Variants in IQSEC3 observed in about 807,000 individuals in gnomAD.
IQSEC3 encodes IQ motif and SEC7 domain-containing protein 3.
IQSEC3 carries 50 observed loss-of-function variants against 105.4 expected under a neutral mutation model. The ratio of observed to expected loss-of-function variants is 0.47; its 90% CI spans 0.38 to 0.60. The LOEUF is 0.60. Ranked by LOEUF, IQSEC3 falls within the 20% of genes least tolerant of loss-of-function variation. IQSEC3 has a pLI of 0.00. For synonymous variants in IQSEC3, 708 were observed against 746.0 expected (o/e 0.95, Z 0.83); for missense variants, 1,415 against 1,630.0 (o/e 0.87, Z 2.27).
intron 1 of IQSEC3, among the ~76,000 whole-genome samples, chr12:91,617 A>T (rs1555073447): frequency 1.3e-5 from 2 of 152,138 alleles, no homozygotes; most frequent in African/African-American, 2.4e-5. Context: ...TCTACAAAAA[A>T]GTCAAAAAGA....
intron 3 of IQSEC3, among the ~76,000 whole-genome samples, chr12:127,111 G>T (rs1865441689): frequency 6.6e-6 from 1 of 152,202 alleles, no homozygotes; most frequent in Non-Finnish European, 1.5e-5. Context: ...TGCTGTCCAG[G>T]TCACTGATAA....
intron 1 of IQSEC3, among the ~76,000 whole-genome samples, chr12:96,542 G>A (rs766205625): frequency 3.9e-5 from 6 of 152,158 alleles, no homozygotes; most frequent in Non-Finnish European, 8.8e-5. Context: ...ATATATAAAA[G>A]AAATGTATTT....
intron 5 of IQSEC3, among the ~76,000 whole-genome samples, chr12:153,289 GCAAA>G (rs1866570378): frequency 6.6e-6 from 1 of 152,094 alleles, no homozygotes; most frequent in African/African-American, 2.4e-5. Flanking sequence ...CATCAGGAAC[GCAAA>G]CAGTGATCAG....
rs1555098256 is a variant in IQSEC3, at chr12:165,849, C to T, written c.2930C>T (p.Ser977Phe). The T allele has an allele frequency of 6.2e-7, 1 of 1,614,112 alleles. No individual in the cohort carries two copies. Among genetic ancestry groups the T allele is most frequent in the Admixed American group, 1.7e-5 (1 of 60,030 alleles). ...AAGTTCGTGGAGGACCTGAAGGAGT[C>T]CATTGCTGAGGTGACGGAGCTGGAG... The part of the protein sequence containing the change: ...MQKFVEDLKE[S>F]IAEVTELEQI... The change falls in exon 11 of 14, where the codon TCC (serine) becomes TTC (phenylalanine). Residue 977 changes from serine to phenylalanine, a missense_variant. Ser to Phe is a radical substitution (Grantham distance 155). Transcript: ENST00000538872.
intron 1 of IQSEC3, among the ~76,000 whole-genome samples, chr12:84,773 A>G (rs1447905635): frequency 6.6e-6 from 1 of 152,190 alleles, no homozygotes; most frequent in Non-Finnish European, 1.5e-5. Context: ...AGTCTATGCT[A>G]GAAGGTCAGT....
intron 1 of IQSEC3, among the ~76,000 whole-genome samples, chr12:96,929 C>G (rs571105630): frequency 1.5e-4 from 23 of 152,328 alleles, no homozygotes; most frequent in African/African-American, 5.5e-4. Context: ...GATAATGGGT[C>G]AGGGCAGCCC....
chr12:112,925 A>C (rs782811733), intron 2 of IQSEC3, among the ~76,000 whole-genome samples: 15 of 151,752 alleles, frequency 9.9e-5, no homozygotes, highest in Middle Eastern at 3.2e-3. Flanking sequence ...TTTATTATTA[A>C]TATTTATTAT....
At chr12:98,516 A>T (rs1555075263) in intron 1 of IQSEC3, among the ~76,000 whole-genome samples, 6 of 152,336 alleles carry the variant, frequency 3.9e-5, no homozygotes, top group Non-Finnish European at 1.5e-5. Context: ...GCTGAAGCCC[A>T]GAAAAGGTTA....
At position 125,634 on chromosome 12, in the gene IQSEC3, G is replaced by T. The variant is rs368059304; in HGVS notation, c.625G>T (p.Asp209Tyr). 8.7e-6 allele frequency: 13 copies of T among 1,502,424 alleles called. No homozygotes were observed. The African/African-American group carries it at 1.9e-4, about 22-fold the overall frequency. The allele number at this position is 1,502,424 out of a possible 1,614,324, so 93.1% of individuals were successfully genotyped here. The change falls in exon 3 of 14, where the codon GAT becomes TAT. Residue 209 changes from aspartate to tyrosine, a missense_variant and splice_region_variant. Physicochemically the swap from Asp to Tyr is radical, Grantham distance 160. This residue lies in a region of IQSEC3 where 720 missense variants were observed against 633.0 expected (regional missense o/e 1.14). Coordinates refer to ENST00000538872, the MANE Select transcript of IQSEC3 (RefSeq NM_001170738.2). ...AGCACCGTTGCCTTCTGTTCACAGTGATGGCTCCTGCACCCAGGCCGGTGG... is the reference window on the plus strand; with the variant it reads ...AGCACCGTTGCCTTCTGTTCACAGTTATGGCTCCTGCACCCAGGCCGGTGG... ...DACSDLASQS[D>Y]GSCTQAGGGM...
chr12:125,824 G>C lies in IQSEC3; in HGVS notation c.815G>C (p.Arg272Pro), dbSNP rs529305501. Reference sequence around the variant, plus strand: ...CCCCAGCACAAGGCCTCCCCCGGCCGGCAGCAGCCTGCCCTGGCGACGGCG... The same window carrying C: ...CCCCAGCACAAGGCCTCCCCCGGCCCGCAGCAGCCTGCCCTGGCGACGGCG... ...AGPQHKASPG[R>P]QQPALATALC... Residue 272 changes from arginine to proline, a missense_variant, in exon 3 of 14, where the codon CGG (arginine) becomes CCG (proline). Around this residue, in one of 6 missense-constraint regions of IQSEC3, gnomAD observed 720 missense variants for 633.0 expected, o/e 1.14. Coordinates refer to ENST00000538872, the MANE Select transcript of IQSEC3 (RefSeq NM_001170738.2). The C allele has an allele frequency of 2.2e-5, 33 of 1,529,696 alleles. No individual in the cohort carries two copies. In the African/African-American group the frequency reaches 3.4e-4, roughly 16 times the overall value. The allele number at this position is 1,529,696 out of a possible 1,614,324, so 94.8% of individuals were successfully genotyped here. A position where few individuals can be genotyped will look rare whatever the true frequency, so the allele number is the denominator to read the frequency against.
In IQSEC3 at chr12:138,995, C is replaced by T. The variant is rs781905944; in HGVS notation, c.1632C>T (p.Gly544=). Residue 544 remains glycine (G), a synonymous_variant, in exon 4 of 14, where the codon GGC becomes GGT. Coordinates refer to ENST00000538872, the MANE Select transcript of IQSEC3 (RefSeq NM_001170738.2). This position sits in a 1 kb window ranked among gnomAD's most constrained non-coding sequence, Gnocchi z 7.1. ...GREAPEAPAV[G]REDASAEDSC... ...AGGCCCCGGAAGCCCCCGCCGTGGG[C>T]CGGGAGGACGCGTCAGCCGAGGACT... 5 of 1,530,372 alleles carry T rather than the reference C, an allele frequency of 3.3e-6. No homozygotes were observed. 94.8% of individuals were successfully genotyped at this position (1,530,372 alleles called of 1,614,324 possible).
intron 5 of IQSEC3, among the ~76,000 whole-genome samples, chr12:153,771 C>T (rs973995212): frequency 2.0e-4 from 30 of 152,160 alleles, no homozygotes; most frequent in African/African-American, 6.5e-4. Flanking sequence ...GGGACACATG[C>T]CCCTAAGGAC....
intron 3 of IQSEC3, among the ~76,000 whole-genome samples, chr12:133,897 G>A (rs1297836209): frequency 2.6e-5 from 4 of 152,032 alleles, no homozygotes; most frequent in Non-Finnish European, 5.9e-5. Flanking sequence ...GGTTGGGTCA[G>A]TATCTGGCAT....
At chr12:82,849 A>G (rs1276946892) in intron 1 of IQSEC3, among the ~76,000 whole-genome samples, 1 of 152,194 alleles carries the variant, frequency 6.6e-6, no homozygotes, top group African/African-American at 2.4e-5. Context: ...CCCGCAGACA[A>G]CTACAGTAAC....
chr12:147,465 C>G (rs1866323995), intron 5 of IQSEC3, among the ~76,000 whole-genome samples: 1 of 152,174 alleles, frequency 6.6e-6, no homozygotes, highest in Non-Finnish European at 1.5e-5. Flanking sequence ...AGTCACAGAG[C>G]TGATCAGTGG....
At position 125,565 on chromosome 12, in the gene IQSEC3, G is replaced by C. The variant is rs781985601; in HGVS notation, c.624-68G>C. ...GCCAGAGTGCCTAGCTTCTCTCCCC[G>C]ACCCCCACATCCACACGCACCCTGT... On this transcript the variant is annotated intron_variant, in intron 2 of 13. Coordinates refer to ENST00000538872, the MANE Select transcript of IQSEC3 (RefSeq NM_001170738.2). The C allele has an allele frequency of 2.1e-6, 3 of 1,400,688 alleles. No individual in the cohort carries two copies. The African/African-American group carries it at 4.5e-5, about 21-fold the overall frequency. 86.8% of individuals were successfully genotyped at this position (1,400,688 alleles called of 1,614,324 possible).
At chr12:139,697 C>A in intron 4 of IQSEC3, 1 of 217,522 alleles carries the variant, frequency 4.6e-6, no homozygotes, top group Non-Finnish European at 9.0e-6. Context: ...CAGTCCAGGC[C>A]GTTTGAGGAT....
chr12:106,257 T>A (rs1207195237), intron 2 of IQSEC3, among the ~76,000 whole-genome samples: 1 of 152,216 alleles, frequency 6.6e-6, no homozygotes, highest in East Asian at 1.9e-4. Flanking sequence ...CAGGTGCTTG[T>A]CAGTTGCAGC....
intron 7 of IQSEC3, among the ~76,000 whole-genome samples, chr12:158,351 C>T (rs1866769874): frequency 1.3e-5 from 2 of 152,180 alleles, no homozygotes; most frequent in Admixed American, 6.5e-5. Flanking sequence ...TCTTCTGTAT[C>T]GATAAACCGC....
Sources: gnomAD v4.1 joint callset for allele counts (sites outside exome capture counted in the v4.1 genomes callset) on GRCh38, gnomAD v4.1.1 for gene constraint, gnomAD v4.1.1 regional missense constraint, Gnocchi (gnomAD v3.1) non-coding constraint, MANE v1.5 for transcripts, NCBI Gene and HGNC (gene_info 2026-07-23, HGNC 2026-07-21) for gene names.